The following CNTNAP5 variants were observed in gnomAD, a reference collection of about 807,000 sequenced individuals.
CNTNAP5 encodes the protein contactin-associated protein-like 5.
A neutral mutation model predicts 150.2 loss-of-function variants in CNTNAP5; 72 were observed. That is an observed-to-expected ratio of 0.48 (90% CI 0.40 to 0.58). The LOEUF is 0.58. Among genes scored for constraint, CNTNAP5 ranks in the 20% least tolerant of loss-of-function variants. The probability of loss-of-function intolerance (pLI) is 0.00; values close to 1 mark genes in which losing one functional copy is unlikely to be tolerated. For synonymous variants in CNTNAP5, 672 were observed against 619.8 expected (o/e 1.08, Z -1.25); for missense variants, 1,636 against 1,626.2 (o/e 1.01, Z -0.10).
intron 1 of CNTNAP5, among the ~76,000 whole-genome samples, chr2:124,070,933 A>G (rs1427572127): frequency 3.9e-5 from 6 of 152,086 alleles, no homozygotes; most frequent in Non-Finnish European, 7.4e-5. Context: ...TCTCAAGGAT[A>G]GACCATATAG....
At position 124,113,890 on chromosome 2, in the gene CNTNAP5, G is replaced by C. The variant is rs544512741; in HGVS notation, c.82+88158G>C. 2.6e-5 allele frequency among the ~76,000 whole-genome samples: 4 copies of C among 151,724 alleles called. No individual in the cohort carries two copies. In the South Asian group the frequency reaches 8.3e-4, roughly 32 times the overall value. ...AAGATCATTTTTTCACTGCTCTACA[G>C]CATCACCTTTGCTATATATCAAGTG... On this transcript the variant is annotated intron_variant, in intron 1 of 23. Transcript: ENST00000682447.
intron 19 of CNTNAP5, among the ~76,000 whole-genome samples, chr2:124,834,526 C>T (rs1682789276): frequency 6.6e-6 from 1 of 152,090 alleles, no homozygotes; most frequent in African/African-American, 2.4e-5. Flanking sequence ...GGGGGTATTG[C>T]AGCAGAAGGC....
At chr2:124,335,247 A>G (rs949738870) in intron 3 of CNTNAP5, among the ~76,000 whole-genome samples, 1 of 152,082 alleles carries the variant, frequency 6.6e-6, no homozygotes, top group African/African-American at 2.4e-5. Context: ...TGAAATAACA[A>G]AAGGCCCTTA....
intron 5 of CNTNAP5, 86 bp downstream of exon 5, chr2:124,434,773 C>A: frequency 8.4e-7 from 1 of 1,185,688 alleles, no homozygotes. Flanking sequence ...TGCAGTGTAT[C>A]TGGTGGAAGT....
chr2:124,205,436 G>T (rs1807861), intron 1 of CNTNAP5, among the ~76,000 whole-genome samples: 45,677 of 134,660 alleles, frequency 0.34, 7,118 homozygotes, highest in South Asian at 0.51. Flanking sequence ...TTTTTTTTTT[G>T]GAAATGGAGT....
chr2:124,531,435 A>G (rs1417725182), intron 10 of CNTNAP5, among the ~76,000 whole-genome samples: 1 of 152,184 alleles, frequency 6.6e-6, no homozygotes, highest in African/African-American at 2.4e-5. Context: ...GCTATCACAA[A>G]GAAAAGTCAC....
intron 3 of CNTNAP5, among the ~76,000 whole-genome samples, chr2:124,266,261 T>C (rs993747431): frequency 3.3e-5 from 5 of 152,184 alleles, no homozygotes; most frequent in African/African-American, 9.6e-5. Flanking sequence ...AGCATCACCA[T>C]GTATGCTAAC....
chr2:124,588,276 C>A (rs1696602624), intron 11 of CNTNAP5, among the ~76,000 whole-genome samples: 2 of 148,328 alleles, frequency 1.3e-5, no homozygotes, highest in Admixed American at 1.4e-4. Flanking sequence ...TTTCTTTCTA[C>A]AATGCTTCTG....
intron 13 of CNTNAP5, among the ~76,000 whole-genome samples, chr2:124,700,078 C>T (rs996900077): frequency 6.6e-6 from 1 of 152,202 alleles, no homozygotes; most frequent in African/African-American, 2.4e-5. Context: ...TATGGATTTG[C>T]CTATTCTGGA....
At chr2:124,026,368 A>T (rs1272248375) in intron 1 of CNTNAP5, among the ~76,000 whole-genome samples, 1 of 152,050 alleles carries the variant, frequency 6.6e-6, no homozygotes, top group East Asian at 1.9e-4. Flanking sequence ...CCACCCCAAA[A>T]ATCTTTGTGC....
At position 124,434,588 on chromosome 2, in the gene CNTNAP5, A is replaced by G; in HGVS notation, c.634A>G (p.Met212Val). The change falls in exon 5 of 24, where the codon ATG (methionine) becomes GTG (valine). Residue 212 changes from methionine to valine, a missense_variant. Transcript: ENST00000682447. Reference protein sequence around the residue: ...KDVISLKFKSMQGDGVLFHGE... With the variant: ...KDVISLKFKSVQGDGVLFHGE... The stretch of plus-strand genomic sequence containing the variant: ...TGTGATCTCCCTGAAGTTCAAGAGC[A>G]TGCAAGGAGATGGGGTCCTGTTCCA... The G allele has an allele frequency of 6.2e-7, 1 of 1,613,986 alleles. No individual in the cohort carries two copies. The highest frequency in any genetic ancestry group is 8.5e-7 in the Non-Finnish European group (1 of 1,179,860).
chr2:124,667,690 C>T (rs1024063793), intron 13 of CNTNAP5, among the ~76,000 whole-genome samples: 5 of 152,226 alleles, frequency 3.3e-5, no homozygotes, highest in South Asian at 2.1e-4. Flanking sequence ...ATGGAAAACA[C>T]TCCCTATGTC....
At chr2:124,192,884 A>G (rs1410413486) in intron 1 of CNTNAP5, among the ~76,000 whole-genome samples, 2 of 152,026 alleles carry the variant, frequency 1.3e-5, no homozygotes, top group Non-Finnish European at 2.9e-5. Flanking sequence ...TCAAAATTGG[A>G]TGGTTTAAAG....
At chr2:124,096,061 T>C (rs1364992002) in intron 1 of CNTNAP5, among the ~76,000 whole-genome samples, 1 of 152,182 alleles carries the variant, frequency 6.6e-6, no homozygotes. Context: ...CTGAACATTC[T>C]TTCCCGTGCT....
Position 124,611,842 on chromosome 2 carries a change from G to A in CNTNAP5, c.1876+1922G>A, listed in dbSNP as rs149448928. On this transcript the variant is annotated intron_variant, in intron 12 of 23. Coordinates refer to ENST00000682447, the MANE Select transcript of CNTNAP5 (RefSeq NM_001367498.1). ...TAATGGACAGCAATTACTGAGCTTCGACTCTCTCTGGGAATTGAGCTGGGA... is the reference window on the plus strand; with the variant it reads ...TAATGGACAGCAATTACTGAGCTTCAACTCTCTCTGGGAATTGAGCTGGGA... Among the ~76,000 whole-genome samples, 276 of 152,240 alleles carry A rather than the reference G, an allele frequency of 1.8e-3. 1 individual carries two copies. Among genetic ancestry groups the A allele is most frequent in the African/African-American group, 6.2e-3 (256 of 41,538 alleles).
chr2:124,232,588 A>T (rs114889105), intron 2 of CNTNAP5, among the ~76,000 whole-genome samples: 4,194 of 151,606 alleles, frequency 0.028, 126 homozygotes, highest in Non-Finnish European at 0.039. Context: ...CAATTTGAAG[A>T]CTCCTTCTTT....
chr2:124,734,741 T>A (rs770079639), intron 13 of CNTNAP5, among the ~76,000 whole-genome samples: 1 of 152,160 alleles, frequency 6.6e-6, no homozygotes, highest in Non-Finnish European at 1.5e-5. Context: ...TTTCTTTAGA[T>A]GGATCTGCTG....
intron 13 of CNTNAP5, among the ~76,000 whole-genome samples, chr2:124,691,791 A>G (rs1025829508): frequency 6.6e-6 from 1 of 152,052 alleles, no homozygotes; most frequent in Non-Finnish European, 1.5e-5. Context: ...AAAACATGTG[A>G]TGTGATAAAT....
intron 1 of CNTNAP5, among the ~76,000 whole-genome samples, chr2:124,191,635 G>T (rs1350868460): frequency 2.6e-5 from 4 of 152,158 alleles, no homozygotes; most frequent in Admixed American, 2.6e-4. Flanking sequence ...GACTGGCCTG[G>T]CTGGGCCCAG....
Sources: allele counts gnomAD v4.1 joint callset (sites outside exome capture counted in the v4.1 genomes callset), GRCh38; gene constraint gnomAD v4.1.1; transcripts MANE v1.5; gene names NCBI Gene and HGNC (gene_info 2026-07-23, HGNC 2026-07-21).